IGSF10: variants seen among roughly 807,000 people sequenced by gnomAD.
IGSF10 encodes the protein immunoglobulin superfamily member 10.
A neutral mutation model predicts 128.2 loss-of-function variants in IGSF10; 126 were observed. The observed-to-expected ratio is 0.98, with a 90% CI of 0.85 to 1.14. IGSF10 has a LOEUF of 1.14. Ranked by LOEUF, IGSF10 falls within the 50% of genes most tolerant of loss-of-function variation. The pLI is 0.00. For synonymous variants in IGSF10, 1,185 were observed against 1,146.2 expected, an observed-to-expected ratio of 1.03 and a Z score of -0.68; for missense variants, 3,295 against 3,149.8, an observed-to-expected ratio of 1.05 and a Z score of -1.10.
Position 151,446,852 on chromosome 3 carries a change from G to A in IGSF10, c.3129C>T (p.Thr1043=), listed in dbSNP as rs1721225553. 1.2e-6 allele frequency: 2 copies of A among 1,614,166 alleles called. No homozygotes were observed. The highest frequency in any genetic ancestry group is 1.7e-6 in the Non-Finnish European group (2 of 1,180,022). ...RHRYSIFRST[T]RGSSEKSTTA... is the part of the protein sequence containing the mutation. ...TAGTGCTTTTTTCAGAAGAACCTCT[G>A]GTTGTTGACCTGAAAATGCTGTATC... Residue 1043 remains threonine (T), a synonymous_variant, in exon 6 of 8, where the codon ACC becomes ACT. Transcript: ENST00000282466.
chr3:151,548,007 T>TA, the IGSF10 span, among the ~76,000 whole-genome samples: 2 of 152,232 alleles, frequency 1.3e-5, no homozygotes, highest in Non-Finnish European at 2.9e-5. Context: ...CATGCTTTTC[T>TA]ACAATGTGAC....
intron 6 of IGSF10, among the ~76,000 whole-genome samples, 188 bp downstream of exon 6, chr3:151,444,731 T>A (rs1419745577): frequency 6.6e-6 from 1 of 152,232 alleles, no homozygotes; most frequent in Non-Finnish European, 1.5e-5. Flanking sequence ...AAAAATGTTC[T>A]TAGTTAACAT....
intron 2 of IGSF10, 67 bp from the exon 3 acceptor site, chr3:151,458,777 T>A (rs1238010388): frequency 2.3e-5 from 31 of 1,340,544 alleles, no homozygotes; most frequent in South Asian, 5.4e-5. Flanking sequence ...CACCACACAC[T>A]CACTCTGGGA....
At chr3:151,606,821 A>G in the IGSF10 span, among the ~76,000 whole-genome samples, 2 of 152,046 alleles carry the variant, frequency 1.3e-5, no homozygotes, top group African/African-American at 4.8e-5. Context: ...ATACTTTTTA[A>G]GTTTCTCTCT....
At chr3:151,503,740 T>C in the IGSF10 span, among the ~76,000 whole-genome samples, 1 of 152,164 alleles carries the variant, frequency 6.6e-6, no homozygotes, top group South Asian at 2.1e-4. Context: ...TGAGTTTTAT[T>C]ATTCAACTCA....
rs775403629 is a variant in IGSF10, at chr3:151,446,624, T to C, written c.3357A>G (p.Val1119=). 1.2e-5 allele frequency: 20 copies of C among 1,614,180 alleles called. No individual in the cohort carries two copies. Among genetic ancestry groups the C allele is most frequent in the Non-Finnish European group, 1.7e-5 (20 of 1,180,014 alleles). Residue 1119 remains valine (V), a synonymous_variant, in exon 6 of 8, where the codon GTA becomes GTG. Transcript: ENST00000282466. ...ATTTTATTGTGGGTGTTGTTTTCTC[T>C]ACACTGGGTTTGTTCTCAAGTAGTA... ...PLLLLENKPS[V]EKTTPTIKYF... is the part of the protein sequence containing the mutation.
the IGSF10 span, among the ~76,000 whole-genome samples, chr3:151,611,872 A>G: frequency 6.6e-6 from 1 of 152,324 alleles, no homozygotes; most frequent in African/African-American, 2.4e-5. Flanking sequence ...TAAAAAAGAA[A>G]TATTAACAAG....
At position 151,439,945 on chromosome 3, in the gene IGSF10, C is replaced by T. The variant is rs184734486; in HGVS notation, c.5964-1348G>A. ...ACATGGGCTAAGCAGGTAGATAAAA[C>T]GAGAGGAAAGTAAAAACTGTTTTCA... On this transcript the variant is annotated intron_variant, in intron 7 of 7. Coordinates refer to ENST00000282466, the MANE Select transcript of IGSF10 (RefSeq NM_178822.5). Among the ~76,000 whole-genome samples, 861 of 150,594 alleles carry T rather than the reference C, an allele frequency of 5.7e-3. 4 individuals carry two copies. The highest frequency in any genetic ancestry group is 9.4e-3 in the Non-Finnish European group (629 of 66,872).
chr3:151,513,863 C>T, the IGSF10 span, among the ~76,000 whole-genome samples: 1 of 152,134 alleles, frequency 6.6e-6, no homozygotes, highest in Non-Finnish European at 1.5e-5. Context: ...AGTGAGCTCC[C>T]ATTCACAATT....
At chr3:151,550,687 A>G in the IGSF10 span, among the ~76,000 whole-genome samples, 1 of 152,000 alleles carries the variant, frequency 6.6e-6, no homozygotes, top group East Asian at 1.9e-4. Context: ...CTCGTTTTTT[A>G]CATTTCTACT....
chr3:151,523,199 C>T, the IGSF10 span, among the ~76,000 whole-genome samples: 2 of 152,150 alleles, frequency 1.3e-5, no homozygotes, highest in Non-Finnish European at 1.5e-5. Flanking sequence ...ATCTCATGCT[C>T]ATGGATAGGA....
the IGSF10 span, among the ~76,000 whole-genome samples, chr3:151,510,634 G>A: frequency 6.6e-6 from 1 of 152,196 alleles, no homozygotes; most frequent in Non-Finnish European, 1.5e-5. Context: ...GACGAGTTGA[G>A]AAAGGAAGGC....
In IGSF10 at chr3:151,443,791, C is replaced by T; in HGVS notation, c.5156G>A (p.Gly1719Glu). The T allele has an allele frequency of 6.2e-7, 1 of 1,614,158 alleles. No homozygotes were observed. Among genetic ancestry groups the T allele is most frequent in the Non-Finnish European group, 8.5e-7 (1 of 1,180,022 alleles). Residue 1719 changes from glycine (G) to glutamate (E), a missense_variant, in exon 7 of 8, where the codon GGA becomes GAA. Gly to Glu is a moderately conservative substitution (Grantham distance 98). Coordinates refer to ENST00000282466, the MANE Select transcript of IGSF10 (RefSeq NM_178822.5). ...SIQRVEIQDR[G>E]QYLCSASNLF... ...ATTGGATGCGGAACACAAGTACTGT[C>T]CGCGGTCCTGAATTTCCACCCTCTG...
At chr3:151,490,352 C>A in the IGSF10 span, among the ~76,000 whole-genome samples, 1 of 152,038 alleles carries the variant, frequency 6.6e-6, no homozygotes, top group East Asian at 1.9e-4. Flanking sequence ...GTATTTGCAC[C>A]CAACATTGTA....
At chr3:151,517,818 CAT>C in the IGSF10 span, among the ~76,000 whole-genome samples, 4 of 151,914 alleles carry the variant, frequency 2.6e-5, no homozygotes, top group Admixed American at 6.6e-5. Flanking sequence ...TTTAAGGAAA[CAT>C]AGATACTAGA....
intron 7 of IGSF10, chr3:151,440,651 A>G (rs1420880519): frequency 2.2e-6 from 1 of 456,696 alleles, no homozygotes; most frequent in South Asian, 1.5e-5. Context: ...ATGCTTTCTA[A>G]AAGTATTGGT....
chr3:151,597,135 C>T, the IGSF10 span, among the ~76,000 whole-genome samples: 1 of 152,066 alleles, frequency 6.6e-6, no homozygotes, highest in African/African-American at 2.4e-5. Flanking sequence ...TGAAGTAGTA[C>T]CAAATGAACC....
intron 7 of IGSF10, among the ~76,000 whole-genome samples, 177 bp downstream of exon 7, chr3:151,442,807 T>C (rs6793154): frequency 0.025 from 3,786 of 152,294 alleles, 121 homozygotes; most frequent in East Asian, 0.12. Flanking sequence ...AAAAGAATGG[T>C]TTTTGTATTC....
At chr3:151,560,703 C>A in the IGSF10 span, among the ~76,000 whole-genome samples, 1 of 39,646 alleles carries the variant, frequency 2.5e-5, no homozygotes. Context: ...ATTGCCATAG[C>A]CCCCCCCTCC....
Sources: gnomAD v4.1 joint callset for allele counts (sites outside exome capture counted in the v4.1 genomes callset) on GRCh38, gnomAD v4.1.1 for gene constraint, MANE v1.5 for transcripts, NCBI Gene and HGNC (gene_info 2026-07-23, HGNC 2026-07-21) for gene names.